Variants in TMEM126A observed in about 807,000 individuals in gnomAD.
The protein encoded by TMEM126A is transmembrane protein 126A, also known as optic atrophy 7.
In TMEM126A, 10 loss-of-function variants were observed where a neutral mutation model predicts 18.3. That is an observed-to-expected ratio of 0.55 (90% CI 0.34 to 0.93). TMEM126A has a LOEUF of 0.93. Among genes scored for constraint, TMEM126A ranks in the 40% least tolerant of loss-of-function variants. The pLI is 0.02. For missense variants in TMEM126A, 246 were observed against 230.2 expected (o/e 1.07, Z -0.44); for synonymous variants, 68 against 78.1 (o/e 0.87, Z 0.68).
chr11:85,655,603 A>G lies in TMEM126A; in HGVS notation c.290A>G (p.Asp97Gly). The change falls in exon 4 of 5, where the codon GAT (aspartate) becomes GGT (glycine). Residue 97 changes from aspartate (D) to glycine (G), a missense_variant. Asp to Gly is a moderately conservative substitution (Grantham distance 94, BLOSUM62 -1). Transcript: ENST00000304511. ...VSFPLNTGDL[D>G]CETCTITRSG... ...CTAATTTATTTCCTAGGTGATTTGG[A>G]TTGTGAAACCTGTACCATAACACGG... 6.2e-7 allele frequency: 1 copy of G among 1,612,878 alleles called. No homozygotes were observed. The highest frequency in any genetic ancestry group is 8.5e-7 in the Non-Finnish European group (1 of 1,178,992).
Position 85,654,001 on chromosome 11 carries a change from G to C in TMEM126A, c.87-62G>C, listed in dbSNP as rs764488334. 52 of 1,576,544 alleles carry C rather than the reference G, an allele frequency of 3.3e-5. No individual in the cohort carries two copies. The Middle Eastern group carries it at 5.0e-4, about 15-fold the overall frequency. Reference sequence around the variant, plus strand: ...CCCAAAGTCCTATAACACATGTCAAGATCGGGAAAGCTCACACACACAATA... The same window carrying C: ...CCCAAAGTCCTATAACACATGTCAACATCGGGAAAGCTCACACACACAATA... On this transcript the variant is annotated intron_variant, in intron 2 of 4. Coordinates refer to ENST00000304511, the MANE Select transcript of TMEM126A (RefSeq NM_032273.4).
intron 2 of TMEM126A, among the ~76,000 whole-genome samples, chr11:85,652,887 A>G (rs1374635359): frequency 6.6e-6 from 1 of 151,958 alleles, no homozygotes; most frequent in Non-Finnish European, 1.5e-5. Context: ...TACATTTCAC[A>G]TGATTTTTAT....
intron 2 of TMEM126A, among the ~76,000 whole-genome samples, chr11:85,652,353 CTT>C (rs1384344609): frequency 6.6e-6 from 1 of 152,214 alleles, no homozygotes; most frequent in East Asian, 1.9e-4. Flanking sequence ...TATTTTTTCT[CTT>C]CATTCCCATT....
At chr11:85,654,887 A>G (rs1174365221) in intron 3 of TMEM126A, among the ~76,000 whole-genome samples, 1 of 150,698 alleles carries the variant, frequency 6.6e-6, no homozygotes, top group Non-Finnish European at 1.5e-5. Context: ...TATAAATAAT[A>G]TGTTGGCTAC....
chr11:85,650,630 A>G (rs970981759), intron 2 of TMEM126A, among the ~76,000 whole-genome samples: 1 of 152,230 alleles, frequency 6.6e-6, no homozygotes, highest in African/African-American at 2.4e-5. Context: ...AGACCCATTT[A>G]AATAACAAAA....
At position 85,650,345 on chromosome 11, in the gene TMEM126A, AG is replaced by A; in HGVS notation, c.86+5del. On this transcript the variant is annotated splice_donor_5th_base_variant and intron_variant, in intron 2 of 4. Transcript: ENST00000304511. ...ACCAGCTTCCAGAAGCAGAAAGGTA[AG>A]ATCCCTTCTTAATTTAAAAACACCT... 1.3e-6 allele frequency: 2 copies of A among 1,589,914 alleles called. No individual in the cohort carries two copies. The highest frequency in any genetic ancestry group is 1.7e-6 in the Non-Finnish European group (2 of 1,158,760).
chr11:85,651,873 A>G (rs1451382507), intron 2 of TMEM126A, among the ~76,000 whole-genome samples: 1 of 152,186 alleles, frequency 6.6e-6, no homozygotes, highest in African/African-American at 2.4e-5. Context: ...GACTAATAAA[A>G]GAGTAGTAGG....
chr11:85,656,337 G>C lies in TMEM126A; in HGVS notation c.424G>C (p.Gly142Arg), dbSNP rs765131040. Residue 142 changes from glycine (G) to arginine (R), a missense_variant, in exon 5 of 5, where the codon GGG (glycine) becomes CGG (arginine). Transcript: ENST00000304511. The part of the protein sequence containing the change: ...RYQSALLPHK[G>R]NILSYWIRTS... ...TCAATCAGCTCTGTTACCACACAAA[G>C]GGAACATCTTAAGTTACTGGATTAG... is the stretch of plus-strand genomic sequence containing the variant. The C allele has an allele frequency of 2.5e-6, 4 of 1,611,812 alleles. No individual in the cohort carries two copies. The highest frequency in any genetic ancestry group is 2.2e-5 in the East Asian group (1 of 44,770).
rs2082537444 is a variant in TMEM126A, at chr11:85,656,252, G to A, written c.396-57G>A. 22 of 1,465,998 alleles carry A rather than the reference G, an allele frequency of 1.5e-5. 2 individuals carry two copies. In the South Asian group the frequency reaches 2.4e-4, roughly 16 times the overall value. The allele number at this position is 1,465,998 out of a possible 1,614,324, so 90.8% of individuals were successfully genotyped here. A position where few individuals can be genotyped will look rare whatever the true frequency, so the allele number is the denominator to read the frequency against. ...TAGGACTAATATGTATCACAGATGGGTTTGCCATTTGATGCAACAATCTTT... is the reference window on the plus strand; with the variant it reads ...TAGGACTAATATGTATCACAGATGGATTTGCCATTTGATGCAACAATCTTT... On this transcript the variant is annotated intron_variant, in intron 4 of 4. Transcript: ENST00000304511.
At chr11:85,654,013 TCACA>T in intron 2 of TMEM126A, 46 bp from the exon 3 acceptor site, 1 of 1,597,452 alleles carries the variant, frequency 6.3e-7, no homozygotes. Flanking sequence ...TCGGGAAAGC[TCACA>T]CACACAATAA....
rs773986744 is a variant in TMEM126A, at chr11:85,648,024, A to C, written c.-73A>C. ...CGCCCAGGTAATTTGAGCAAAGGCC[A>C]CAGTGAACTCCGGCGTGGCTGAGGA... On this transcript the variant is annotated 5_prime_UTR_variant, in exon 1 of 5. Coordinates refer to ENST00000304511, the MANE Select transcript of TMEM126A (RefSeq NM_032273.4). 3.3e-5 allele frequency: 5 copies of C among 150,610 alleles called. No individual in the cohort carries two copies. Among genetic ancestry groups the C allele is most frequent in the Admixed American group, 1.3e-4 (2 of 15,054 alleles). 9.3% of individuals were successfully genotyped at this position (150,610 alleles called of 1,614,324 possible).
chr11:85,654,207 T>G lies in TMEM126A; in HGVS notation c.231T>G (p.Leu77=), dbSNP rs766857004. The change falls in exon 3 of 5, where the codon CTT becomes CTG. Residue 77 remains leucine (L), a synonymous_variant. Transcript: ENST00000304511. ...AGLPMAGIPF[L]TTDLTYRCFV... ...TACCAATGGCAGGGATACCTTTTCT[T>G]ACAACAGACTTAACTTACAGATGTT... 1 of 1,614,240 alleles carries G rather than the reference T, an allele frequency of 6.2e-7. No homozygotes were observed. The highest frequency in any genetic ancestry group is 1.1e-5 in the South Asian group (1 of 91,086).
At position 85,650,638 on chromosome 11, in the gene TMEM126A, A is replaced by G. The variant is rs987636833; in HGVS notation, c.86+297A>G. ...CATTTACAGACCCATTTAAATAACA[A>G]AACTTTAACTTTTAAAATGTCTTTT... On this transcript the variant is annotated intron_variant, in intron 2 of 4. Coordinates refer to ENST00000304511, the MANE Select transcript of TMEM126A (RefSeq NM_032273.4). Among the ~76,000 whole-genome samples the G allele has an allele frequency of 5.3e-5, 8 of 152,348 alleles. No individual in the cohort carries two copies. In the South Asian group the frequency reaches 1.4e-3, roughly 28 times the overall value.
At chr11:85,654,328 TTAA>T (rs1344140290) in intron 3 of TMEM126A, 72 bp downstream of exon 3, 5 of 1,419,624 alleles carry the variant, frequency 3.5e-6, no homozygotes, top group African/African-American at 2.9e-5. Flanking sequence ...TCCATACTTA[TTAA>T]TATCAAGTAG....
At chr11:85,650,047 T>TTATGAAGA (rs1323999373) in intron 1 of TMEM126A, among the ~76,000 whole-genome samples, 1 of 152,254 alleles carries the variant, frequency 6.6e-6, no homozygotes, top group African/African-American at 2.4e-5. Flanking sequence ...CTTTCAAGGA[T>TTATGAAGA]TATGAAGATA....
intron 1 of TMEM126A, among the ~76,000 whole-genome samples, 158 bp downstream of exon 1, chr11:85,648,247 G>C (rs1055869723): frequency 6.6e-6 from 1 of 152,184 alleles, no homozygotes; most frequent in African/African-American, 2.4e-5. Context: ...CACTCTAGAA[G>C]GAAAGACCTT....
At chr11:85,648,598 CA>C (rs1449024897) in intron 1 of TMEM126A, among the ~76,000 whole-genome samples, 1 of 152,202 alleles carries the variant, frequency 6.6e-6, no homozygotes, top group Non-Finnish European at 1.5e-5. Flanking sequence ...ACAATATATA[CA>C]TACTAAATTT....
rs1362226468 is a variant in TMEM126A, at chr11:85,650,272, C to T, written c.17C>T (p.Ser6Phe). Residue 6 changes from serine (S) to phenylalanine (F), a missense_variant, in exon 2 of 5, where the codon TCC becomes TTC. Ser to Phe is a radical substitution (Grantham distance 155). Coordinates refer to ENST00000304511, the MANE Select transcript of TMEM126A (RefSeq NM_032273.4). Reference sequence around the variant, plus strand: ...AGGCTCAAAATGGAAAATCATAAATCCAATAATAAGGAAAACATAACAATT... The same window carrying T: ...AGGCTCAAAATGGAAAATCATAAATTCAATAATAAGGAAAACATAACAATT... MENHK[S>F]NNKENITIVD... The T allele has an allele frequency of 8.8e-6, 14 of 1,596,342 alleles. No homozygotes were observed. Among genetic ancestry groups the T allele is most frequent in the African/African-American group, 1.3e-5 (1 of 74,342 alleles).
At chr11:85,650,398 T>C (rs2082490263) in intron 2 of TMEM126A, 57 bp downstream of exon 2, 1 of 1,228,524 alleles carries the variant, frequency 8.1e-7, no homozygotes, top group Non-Finnish European at 1.2e-6. Flanking sequence ...TCACCATTGA[T>C]TCATTATCTC....
Sources: allele counts gnomAD v4.1 joint callset (sites outside exome capture counted in the v4.1 genomes callset), GRCh38; gene constraint gnomAD v4.1.1; transcripts MANE v1.5; gene names NCBI Gene and HGNC (gene_info 2026-07-23, HGNC 2026-07-21).